SLC13A4: variants seen among roughly 807,000 people sequenced by gnomAD.
SLC13A4 encodes Na(+)/sulfate cotransporter SUT-1.
A neutral mutation model predicts 72.7 loss-of-function variants in SLC13A4; 28 were observed. The ratio of observed to expected loss-of-function variants is 0.39; its 90% confidence interval spans 0.29 to 0.53. The LOEUF (loss-of-function observed/expected upper bound fraction) is 0.53. SLC13A4 is among the 20% of genes least tolerant of loss of function. The pLI, the probability that SLC13A4 is intolerant of heterozygous loss-of-function variation, is 0.78. For synonymous variants in SLC13A4, 312 were observed against 325.5 expected, an observed-to-expected ratio of 0.96 and a Z score of 0.45; for missense variants, 653 against 788.0, an observed-to-expected ratio of 0.83 and a Z score of 2.05.
chr7:135,721,652 C>T (rs75730761), intron 1 of SLC13A4, 129 bp from the exon 2 acceptor site: 53,332 of 1,150,160 alleles, frequency 0.046, 1,483 homozygotes, highest in African/African-American at 0.12. Flanking sequence ...GCCCAGGGAC[C>T]GAAACCGAAC....
chr7:135,687,804 G>A (rs909862589), intron 13 of SLC13A4, among the ~76,000 whole-genome samples: 2 of 151,944 alleles, frequency 1.3e-5, no homozygotes, highest in African/African-American at 4.8e-5. Context: ...GGTAAGTAAA[G>A]TGAAATAATT....
At chr7:135,713,863 C>T (rs1796358829) in intron 2 of SLC13A4, among the ~76,000 whole-genome samples, 1 of 152,240 alleles carries the variant, frequency 6.6e-6, no homozygotes, top group South Asian at 2.1e-4. Flanking sequence ...GTGTGAGCCA[C>T]TGTGCCCAGC....
In SLC13A4 at chr7:135,719,248, G is replaced by A. The variant is rs73721698; in HGVS notation, c.228+2147C>T. Among the ~76,000 whole-genome samples the A allele has an allele frequency of 4.4e-3, 666 of 152,264 alleles. 2 individuals are homozygous for A. The highest frequency in any genetic ancestry group is 0.015 in the African/African-American group (630 of 41,554). ...CTCTCTGGACAAAGGGGCGTCCCTCGGATAACTGTTGCCTGGCAACATCTC... is the reference window on the plus strand; with the variant it reads ...CTCTCTGGACAAAGGGGCGTCCCTCAGATAACTGTTGCCTGGCAACATCTC... On this transcript the variant is annotated intron_variant, in intron 2 of 15. Transcript: ENST00000682651.
intron 13 of SLC13A4, among the ~76,000 whole-genome samples, chr7:135,689,680 A>G (rs568165110): frequency 6.6e-6 from 1 of 152,286 alleles, no homozygotes; most frequent in African/African-American, 2.4e-5. Context: ...GACAACATGC[A>G]GAAGACCTGA....
intron 3 of SLC13A4, 112 bp downstream of exon 3, chr7:135,708,002 G>A (rs1474122122): frequency 5.8e-6 from 8 of 1,371,290 alleles, no homozygotes; most frequent in Non-Finnish European, 8.0e-6. Flanking sequence ...CCGACCCTTT[G>A]GTAAAAAAAC....
intron 15 of SLC13A4, chr7:135,683,360 G>C (rs1795548623): frequency 1.2e-6 from 1 of 844,188 alleles, no homozygotes; most frequent in African/African-American, 1.9e-5. Context: ...CCACCAGCCT[G>C]AAACTTTTTC....
In SLC13A4 at chr7:135,706,214, A is replaced by G. The variant is rs745832951; in HGVS notation, c.452T>C (p.Val151Ala). ...GACCAGCTCCTGCAGCACGGCCTCC[A>G]CGATGGGCATCACCATGGCGGTGGT... The part of the protein sequence containing the change: ...TSTTAMVMPI[V>A]EAVLQELVSA... The change falls in exon 4 of 16, where the codon GTG becomes GCG. Residue 151 changes from valine (V) to alanine (A), a missense_variant. Coordinates refer to ENST00000682651, the MANE Select transcript of SLC13A4 (RefSeq NM_001318192.2). The G allele has an allele frequency of 6.2e-7, 1 of 1,614,062 alleles. No individual in the cohort carries two copies. Among genetic ancestry groups the G allele is most frequent in the South Asian group, 1.1e-5 (1 of 91,084 alleles).
chr7:135,695,583 G>T, intron 8 of SLC13A4, 96 bp from the exon 9 acceptor site: 1 of 1,338,710 alleles, frequency 7.5e-7, no homozygotes, highest in Non-Finnish European at 1.0e-6. Context: ...ACATACAGCT[G>T]GGCTAAGTGG....
At chr7:135,697,583 C>T (rs1266151484) in intron 8 of SLC13A4, among the ~76,000 whole-genome samples, 1 of 147,486 alleles carries the variant, frequency 6.8e-6, no homozygotes, top group African/African-American at 2.5e-5. Context: ...CCAATCTGTT[C>T]TCCTTTTTTT....
At chr7:135,713,317 G>C (rs1033268779) in intron 2 of SLC13A4, among the ~76,000 whole-genome samples, 2 of 152,176 alleles carry the variant, frequency 1.3e-5, no homozygotes, top group African/African-American at 2.4e-5. Flanking sequence ...TGAACTTGGA[G>C]AGCAGAGGTG....
Position 135,681,551 on chromosome 7 carries a change from G to C in SLC13A4, c.*12C>G, listed in dbSNP as rs1384443833. Reference sequence around the variant, plus strand: ...GCAGCTCCTGTGGTTGGGCCAGTTTGTACACTTGGCGTTAGGCTTGATCAG... The same window carrying C: ...GCAGCTCCTGTGGTTGGGCCAGTTTCTACACTTGGCGTTAGGCTTGATCAG... On this transcript the variant is annotated 3_prime_UTR_variant, in exon 16 of 16. Coordinates refer to ENST00000682651, the MANE Select transcript of SLC13A4 (RefSeq NM_001318192.2). 1 of 1,611,524 alleles carries C rather than the reference G, an allele frequency of 6.2e-7. No individual in the cohort carries two copies. Among genetic ancestry groups the C allele is most frequent in the South Asian group, 1.1e-5 (1 of 90,680 alleles).
intron 15 of SLC13A4, among the ~76,000 whole-genome samples, chr7:135,682,659 A>G (rs1406877990): frequency 6.6e-6 from 1 of 152,212 alleles, no homozygotes; most frequent in African/African-American, 2.4e-5. Flanking sequence ...GTTAGAGTTG[A>G]AAGGGACCCC....
intron 5 of SLC13A4, chr7:135,703,735 CA>C (rs1266072989): frequency 6.6e-6 from 1 of 152,314 alleles, no homozygotes; most frequent in Non-Finnish European, 1.5e-5. Context: ...GCGTATTGGG[CA>C]CACACATGCG....
chr7:135,704,907 A>G (rs1251981906), intron 5 of SLC13A4: 1 of 152,258 alleles, frequency 6.6e-6, no homozygotes, highest in Admixed American at 6.5e-5. Flanking sequence ...ACAAGGGCAA[A>G]TGACAGAGCT....
At chr7:135,704,273 G>C (rs563530098) in intron 5 of SLC13A4, 1 of 152,494 alleles carries the variant, frequency 6.6e-6, no homozygotes, top group South Asian at 2.1e-4. Context: ...CCCAGAGCAA[G>C]GCCCTGCCAT....
At chr7:135,713,738 C>T (rs73454429) in intron 2 of SLC13A4, among the ~76,000 whole-genome samples, 1,563 of 152,164 alleles carry the variant, frequency 0.01, 20 homozygotes, top group African/African-American at 0.035. Flanking sequence ...CCATTGTGTC[C>T]GGCTAATTTT....
rs534173554 is a variant in SLC13A4, at chr7:135,684,646, G to GT, written c.1609-386dup. On this transcript the variant is annotated intron_variant, in intron 14 of 15. Coordinates refer to ENST00000682651, the MANE Select transcript of SLC13A4 (RefSeq NM_001318192.2). The stretch of plus-strand genomic sequence containing the variant: ...AGTCTTAGGGTACAGAACTAAGGTG[G>GT]TTTTTTTTTTTTTTTTTTCCTAGGG... Among the ~76,000 whole-genome samples the GT allele has an allele frequency of 8.7e-3, 1,147 of 132,410 alleles. 3 individuals carry two copies. Among genetic ancestry groups the GT allele is most frequent in the African/African-American group, 0.017 (610 of 36,320 alleles). 86.9% of individuals were successfully genotyped at this position (132,410 alleles called of 152,430 possible).
Position 135,701,812 on chromosome 7 carries a change from G to T in SLC13A4, c.634-52C>A, listed in dbSNP as rs765538088. On this transcript the variant is annotated intron_variant, in intron 6 of 15. Transcript: ENST00000682651. The stretch of plus-strand genomic sequence containing the variant: ...TTAGGAAGAGGAAGTGGTGAGCCAG[G>T]TGCCTCGAGAAGGACCACCTAGTCA... 4 of 1,581,178 alleles carry T rather than the reference G, an allele frequency of 2.5e-6. No homozygotes were observed. In the East Asian group the frequency reaches 6.8e-5, roughly 27 times the overall value.
At position 135,706,303 on chromosome 7, in the gene SLC13A4, G is replaced by A; in HGVS notation, c.366-3C>T. 6.3e-7 allele frequency: 1 copy of A among 1,599,102 alleles called. No individual in the cohort carries two copies. Among genetic ancestry groups the A allele is most frequent in the Non-Finnish European group, 8.6e-7 (1 of 1,169,404 alleles). On this transcript the variant is annotated splice_polypyrimidine_tract_variant and splice_region_variant and intron_variant, in intron 3 of 15. Coordinates refer to ENST00000682651, the MANE Select transcript of SLC13A4 (RefSeq NM_001318192.2). The stretch of plus-strand genomic sequence containing the variant: ...AGCACATGAAGCAGAGCAGCAGCCT[G>A]GAAGGCAGGGAGGGTTGGGGCAGAG...
Sources: gnomAD v4.1 joint callset for allele counts (sites outside exome capture counted in the v4.1 genomes callset) on GRCh38, gnomAD v4.1.1 for gene constraint, MANE v1.5 for transcripts, NCBI Gene and HGNC (gene_info 2026-07-23, HGNC 2026-07-21) for gene names.